DENND2C: variants seen among roughly 807,000 people sequenced by gnomAD.
DENND2C encodes DENN domain-containing protein 2C.
In DENND2C, 72 loss-of-function variants were observed where a neutral mutation model predicts 112.4. The observed-to-expected ratio is 0.64, with a 90% CI of 0.53 to 0.78. The LOEUF (loss-of-function observed/expected upper bound fraction) is 0.78, where lower values mean the gene tolerates loss of function less well. DENND2C is among the 30% of genes least tolerant of loss of function. DENND2C has a pLI of 0.00. For missense variants in DENND2C, 992 were observed against 1,113.8 expected (o/e 0.89, Z 1.56); for synonymous variants, 329 against 381.6 (o/e 0.86, Z 1.61).
At chr1:114,611,152 C>T in intron 8 of DENND2C, 35 bp from the exon 9 acceptor site, 2 of 1,612,692 alleles carry the variant, frequency 1.2e-6, no homozygotes, top group Non-Finnish European at 1.7e-6. Context: ...TTTGTATTGT[C>T]CAACAGTAGG....
chr1:114,608,664 C>A, intron 10 of DENND2C, 22 bp downstream of exon 10: 13 of 1,610,676 alleles, frequency 8.1e-6, no homozygotes, highest in Non-Finnish European at 1.1e-5. Flanking sequence ...TCCTGAATGC[C>A]TCTTGGCCTC....
At chr1:114,613,525 A>G (rs1655878424) in intron 8 of DENND2C, among the ~76,000 whole-genome samples, 2 of 152,230 alleles carry the variant, frequency 1.3e-5, no homozygotes, top group Admixed American at 1.3e-4. Flanking sequence ...ACCATGACAA[A>G]AAGTATAGTG....
chr1:114,629,949 G>A (rs1656442564), intron 3 of DENND2C, among the ~76,000 whole-genome samples: 1 of 152,142 alleles, frequency 6.6e-6, no homozygotes, highest in South Asian at 2.1e-4. Context: ...GGAAGAATTT[G>A]GAACATTCTA....
chr1:114,622,927 T>G, intron 6 of DENND2C, 60 bp downstream of exon 6: 1 of 1,358,456 alleles, frequency 7.4e-7, no homozygotes. Context: ...CCCCTTAATC[T>G]TTTTGTAGAT....
intron 3 of DENND2C, among the ~76,000 whole-genome samples, chr1:114,636,952 C>A (rs1373386585): frequency 6.6e-6 from 1 of 151,482 alleles, no homozygotes; most frequent in African/African-American, 2.4e-5. Flanking sequence ...AGCATAAAAA[C>A]ATGAAACATT....
chr1:114,587,640 CT>C, intron 19 of DENND2C, 75 bp downstream of exon 19: 1 of 1,447,626 alleles, frequency 6.9e-7, no homozygotes, highest in Non-Finnish European at 9.4e-7. Context: ...CTTTACAATA[CT>C]TTTTATTCAT....
Position 114,601,602 on chromosome 1 carries a change from A to G in DENND2C, c.1738-17T>C. ...GCCTACTGGCTAAAAGATAAAAACA[A>G]CAACAACAAAAAAATCAAGCCGCAT... is the stretch of plus-strand genomic sequence containing the variant. On this transcript the variant is annotated splice_polypyrimidine_tract_variant and intron_variant, in intron 12 of 20. Transcript: ENST00000393274. 1 of 1,605,042 alleles carries G rather than the reference A, an allele frequency of 6.2e-7. No individual in the cohort carries two copies. The highest frequency in any genetic ancestry group is 1.3e-5 in the African/African-American group (1 of 74,430).
At chr1:114,651,533 G>A (rs1242530355) in intron 2 of DENND2C, among the ~76,000 whole-genome samples, 3 of 152,136 alleles carry the variant, frequency 2.0e-5, no homozygotes, top group African/African-American at 7.2e-5. Context: ...GAGGTCAGGA[G>A]TTCGAGACCA....
chr1:114,614,044 C>A (rs896298595), intron 8 of DENND2C, among the ~76,000 whole-genome samples: 11 of 151,850 alleles, frequency 7.2e-5, no homozygotes, highest in African/African-American at 2.7e-4. Context: ...ACCAGCCTGG[C>A]AACATGGTGA....
chr1:114,598,595 A>T (rs1256315143), intron 16 of DENND2C, among the ~76,000 whole-genome samples: 1 of 152,154 alleles, frequency 6.6e-6, no homozygotes, highest in Non-Finnish European at 1.5e-5. Flanking sequence ...TTGTGGTAAT[A>T]TTTCCATTCC....
chr1:114,649,742 A>T (rs1657103082), intron 2 of DENND2C, among the ~76,000 whole-genome samples: 1 of 152,170 alleles, frequency 6.6e-6, no homozygotes. Context: ...TGAAAAATAA[A>T]GGCAGCAAAA....
At chr1:114,613,182 TACA>T (rs1423831026) in intron 8 of DENND2C, among the ~76,000 whole-genome samples, 24 of 152,326 alleles carry the variant, frequency 1.6e-4, no homozygotes, top group Admixed American at 1.6e-3. Context: ...TGCAATGAAA[TACA>T]GTACAGCTAT....
rs1655019855 is a variant in DENND2C at position 114,585,650 on chromosome 1, A to G, written c.2756-19T>C. 1 of 1,611,592 alleles carries G rather than the reference A, an allele frequency of 6.2e-7. No individual in the cohort carries two copies. The highest frequency in any genetic ancestry group is 8.5e-7 in the Non-Finnish European group (1 of 1,177,814). ...TTGCTTCCTAAAGGGAAAGAAAAGTACAGTGAATGCTCAATTCATTTTTAT... is the reference window on the plus strand; with the variant it reads ...TTGCTTCCTAAAGGGAAAGAAAAGTGCAGTGAATGCTCAATTCATTTTTAT... On this transcript the variant is annotated intron_variant, in intron 20 of 20. Coordinates refer to ENST00000393274, the MANE Select transcript of DENND2C (RefSeq NM_001256404.2).
chr1:114,602,340 G>A, intron 11 of DENND2C, 146 bp from the exon 12 acceptor site: 2 of 729,376 alleles, frequency 2.7e-6, no homozygotes, highest in South Asian at 2.2e-5. Context: ...CATTCTCCAT[G>A]GAAAAAACAA....
intron 1 of DENND2C, among the ~76,000 whole-genome samples, chr1:114,664,284 G>A (rs1657586986): frequency 6.6e-6 from 1 of 152,010 alleles, no homozygotes; most frequent in African/African-American, 2.4e-5. Context: ...AAGATCCAGT[G>A]ATGGGATAGG....
intron 18 of DENND2C, among the ~76,000 whole-genome samples, chr1:114,594,249 C>A (rs894018904): frequency 1.3e-5 from 2 of 152,188 alleles, no homozygotes; most frequent in African/African-American, 4.8e-5. Context: ...ATGTGGATAT[C>A]TGCGGGAATA....
At chr1:114,612,812 C>A (rs1259001042) in intron 8 of DENND2C, among the ~76,000 whole-genome samples, 1 of 152,126 alleles carries the variant, frequency 6.6e-6, no homozygotes, top group African/African-American at 2.4e-5. Context: ...GCCACCGCAC[C>A]CAGCCACCCA....
chr1:114,603,677 G>A (rs1331052615), intron 11 of DENND2C, among the ~76,000 whole-genome samples: 1 of 151,878 alleles, frequency 6.6e-6, no homozygotes, highest in Non-Finnish European at 1.5e-5. Context: ...CTCCCGAGTA[G>A]CTACTGCACA....
chr1:114,612,883 A>G (rs1415446863), intron 8 of DENND2C, among the ~76,000 whole-genome samples: 2 of 148,740 alleles, frequency 1.3e-5, no homozygotes, highest in Non-Finnish European at 3.0e-5. Flanking sequence ...CTAGTCTCAA[A>G]CTCCTGGGGT....
Sources: gnomAD v4.1 joint callset for allele counts (sites outside exome capture counted in the v4.1 genomes callset) on GRCh38, gnomAD v4.1.1 for gene constraint, MANE v1.5 for transcripts, NCBI Gene and HGNC (gene_info 2026-07-23, HGNC 2026-07-21) for gene names.